Variants in RAPGEF6 observed in about 807,000 individuals in gnomAD.
RAPGEF6 encodes the protein Rap guanine nucleotide exchange factor 6.
RAPGEF6 carries 56 observed loss-of-function variants against 171.4 expected under a neutral mutation model. The ratio of observed to expected loss-of-function variants is 0.33; its 90% CI spans 0.26 to 0.41. The LOEUF (loss-of-function observed/expected upper bound fraction) is 0.41. Ranked by LOEUF, RAPGEF6 falls within the 10% of genes least tolerant of loss-of-function variation. The probability of loss-of-function intolerance (pLI) is 1.00; values close to 1 mark genes in which losing one functional copy is unlikely to be tolerated. For missense variants in RAPGEF6, 1,674 were observed against 1,921.4 expected (o/e 0.87, Z 2.41); for synonymous variants, 692 against 650.1 (o/e 1.06, Z -0.98).
At chr5:131,496,832 A>ACACCTGTT (rs1278499485) in intron 12 of RAPGEF6, among the ~76,000 whole-genome samples, 21 of 152,280 alleles carry the variant, frequency 1.4e-4, no homozygotes, top group Non-Finnish European at 5.9e-5. Flanking sequence ...TTTCGTTTGC[A>ACACCTGTT]CACCTGTTTT....
intron 1 of RAPGEF6, among the ~76,000 whole-genome samples, chr5:131,605,042 T>C (rs1182115626): frequency 1.3e-5 from 2 of 152,238 alleles, no homozygotes. Context: ...TCCAATATCC[T>C]GGCTGACATC....
At chr5:131,595,872 G>T (rs1359079663) in intron 3 of RAPGEF6, among the ~76,000 whole-genome samples, 3 of 152,296 alleles carry the variant, frequency 2.0e-5, no homozygotes, top group African/African-American at 7.2e-5. Flanking sequence ...AGGGACAGAG[G>T]TTGGGTGCAG....
chr5:131,469,962 T>G (rs1754631052), intron 17 of RAPGEF6: 1 of 543,974 alleles, frequency 1.8e-6, no homozygotes, highest in African/African-American at 1.9e-5. Context: ...CCAATAAACA[T>G]TAATCAAACT....
chr5:131,528,976 C>A (rs1159462051), intron 6 of RAPGEF6, among the ~76,000 whole-genome samples: 2 of 152,010 alleles, frequency 1.3e-5, no homozygotes, highest in South Asian at 4.2e-4. Context: ...TGGAGGAGCA[C>A]CTCAAAGAAG....
At chr5:131,549,454 G>C (rs1285868771) in intron 5 of RAPGEF6, among the ~76,000 whole-genome samples, 3 of 152,130 alleles carry the variant, frequency 2.0e-5, no homozygotes, top group African/African-American at 4.8e-5. Flanking sequence ...TATATGTCAT[G>C]TATTTTTCTG....
chr5:131,611,178 G>C (rs1764912648), intron 1 of RAPGEF6, among the ~76,000 whole-genome samples: 1 of 152,158 alleles, frequency 6.6e-6, no homozygotes, highest in African/African-American at 2.4e-5. Flanking sequence ...ATTCTGGTGT[G>C]AATGCTCTAC....
chr5:131,492,029 C>A (rs1176630067), intron 14 of RAPGEF6, among the ~76,000 whole-genome samples: 2 of 152,192 alleles, frequency 1.3e-5, no homozygotes, highest in African/African-American at 4.8e-5. Context: ...TCTATACTTA[C>A]CTAATGCCTA....
In RAPGEF6 at chr5:131,504,859, GT is replaced by G. The variant is rs1298841920; in HGVS notation, c.1102-82del. 1.6e-5 allele frequency: 21 copies of G among 1,281,974 alleles called. No individual in the cohort carries two copies. In the Middle Eastern group the frequency reaches 7.8e-4, roughly 47 times the overall value. 79.4% of individuals were successfully genotyped at this position (1,281,974 alleles called of 1,614,324 possible). On this transcript the variant is annotated intron_variant, in intron 10 of 27. Transcript: ENST00000509018. The stretch of plus-strand genomic sequence containing the variant: ...CTATGTACCAATGCAGAGCACAAAG[GT>G]AAGAAATCTAGCGGCATTAGTTCTT...
At chr5:131,602,589 C>T (rs1764323406) in intron 3 of RAPGEF6, among the ~76,000 whole-genome samples, 1 of 152,166 alleles carries the variant, frequency 6.6e-6, no homozygotes, top group Admixed American at 6.5e-5. Flanking sequence ...GGTAAAACCT[C>T]ATCTCTACTA....
intron 27 of RAPGEF6, among the ~76,000 whole-genome samples, chr5:131,428,395 CAG>C (rs1358059849): frequency 6.6e-6 from 1 of 151,800 alleles, no homozygotes; most frequent in Non-Finnish European, 1.5e-5. Flanking sequence ...GCTTGGGCAA[CAG>C]AGTTAGACCC....
At chr5:131,447,887 T>C (rs1234026736) in intron 21 of RAPGEF6, among the ~76,000 whole-genome samples, 1 of 152,174 alleles carries the variant, frequency 6.6e-6, no homozygotes, top group Non-Finnish European at 1.5e-5. Context: ...GCAGAAACTA[T>C]GACAAGACAT....
chr5:131,527,309 A>AC (rs1429430126), intron 6 of RAPGEF6, among the ~76,000 whole-genome samples: 7 of 152,000 alleles, frequency 4.6e-5, no homozygotes, highest in African/African-American at 1.5e-4. Flanking sequence ...ACAACAAAAA[A>AC]AAACAGCTGG....
intron 5 of RAPGEF6, among the ~76,000 whole-genome samples, chr5:131,558,307 A>T (rs771066650): frequency 1.5e-4 from 23 of 150,838 alleles, no homozygotes; most frequent in Non-Finnish European, 2.8e-4. Flanking sequence ...TTAGCATTTT[A>T]AAAATGTTTG....
intron 3 of RAPGEF6, among the ~76,000 whole-genome samples, chr5:131,593,568 G>A (rs1282962661): frequency 1.3e-5 from 2 of 152,230 alleles, no homozygotes; most frequent in African/African-American, 4.8e-5. Context: ...CTAGAGACTT[G>A]TTGAATGCTT....
At chr5:131,476,607 T>C (rs967836567) in intron 16 of RAPGEF6, among the ~76,000 whole-genome samples, 4 of 152,126 alleles carry the variant, frequency 2.6e-5, no homozygotes, top group African/African-American at 9.7e-5. Flanking sequence ...ATTACAGGCA[T>C]GTGCCACCAT....
intron 6 of RAPGEF6, among the ~76,000 whole-genome samples, chr5:131,535,556 T>A (rs1387656460): frequency 6.6e-6 from 1 of 152,178 alleles, no homozygotes; most frequent in African/African-American, 2.4e-5. Flanking sequence ...ACGTTTCCCC[T>A]GCATATGAAA....
At chr5:131,459,300 A>G (rs1206253112) in intron 19 of RAPGEF6, among the ~76,000 whole-genome samples, 1 of 152,206 alleles carries the variant, frequency 6.6e-6, no homozygotes. Flanking sequence ...TTTACATAAA[A>G]ATGAATTCAA....
chr5:131,590,318 A>G (rs1009324827), intron 4 of RAPGEF6, among the ~76,000 whole-genome samples: 1 of 152,098 alleles, frequency 6.6e-6, no homozygotes, highest in East Asian at 1.9e-4. Context: ...AATTGCTTGA[A>G]CCCAGAAGGC....
In RAPGEF6 at chr5:131,609,011, G is replaced by A. The variant is rs779923816; in HGVS notation, c.70-4318C>T. 2.4e-4 allele frequency among the ~76,000 whole-genome samples: 36 copies of A among 151,974 alleles called. No individual in the cohort carries two copies. The East Asian group carries it at 2.5e-3, about 11-fold the overall frequency. On this transcript the variant is annotated intron_variant, in intron 1 of 27. Coordinates refer to ENST00000509018, the MANE Select transcript of RAPGEF6 (RefSeq NM_016340.6). ...TTGCTTTGCTGCCCAGGCTGGTCTC[G>A]AACTCCTGGGCTCAAGCAATTCTGC...
Sources: gnomAD v4.1 joint callset for allele counts (sites outside exome capture counted in the v4.1 genomes callset) on GRCh38, gnomAD v4.1.1 for gene constraint, MANE v1.5 for transcripts, NCBI Gene and HGNC (gene_info 2026-07-23, HGNC 2026-07-21) for gene names.